LAMA5: variants seen among roughly 807,000 people sequenced by gnomAD.
The protein encoded by LAMA5 is laminin subunit alpha-5.
In LAMA5, 260 loss-of-function variants were observed where a neutral mutation model predicts 433.4. That is an observed-to-expected ratio of 0.60 (90% CI 0.54 to 0.66). The LOEUF (loss-of-function observed/expected upper bound fraction) is 0.66, where lower values mean the gene tolerates loss of function less well. Among genes scored for constraint, LAMA5 ranks in the 30% least tolerant of loss-of-function variants. The pLI is 0.00. For missense variants in LAMA5, 5,378 were observed against 5,258.5 expected, an observed-to-expected ratio of 1.02 and a Z score of -0.70; for synonymous variants, 2,620 against 2,226.6, an observed-to-expected ratio of 1.18 and a Z score of -4.97.
At chr20:62,322,620 G>GGGGGGGC in intron 46 of LAMA5, 38 bp downstream of exon 46, 3 of 1,398,998 alleles carry the variant, frequency 2.1e-6, no homozygotes, top group Non-Finnish European at 2.9e-6. Context: ...TAGTCCCTAG[G>GGGGGGGC]CCCCACCCAC....
At chr20:62,355,036 C>T (rs1482715619) in intron 2 of LAMA5, among the ~76,000 whole-genome samples, 5 of 152,216 alleles carry the variant, frequency 3.3e-5, no homozygotes, top group East Asian at 1.9e-4. Flanking sequence ...CCTCCCCTGA[C>T]GGGCCCACAG....
At chr20:62,335,650 G>C (rs1429565871) in intron 18 of LAMA5, among the ~76,000 whole-genome samples, 4 of 117,420 alleles carry the variant, frequency 3.4e-5, no homozygotes, top group Non-Finnish European at 5.0e-5. Flanking sequence ...ATTCCCTCCA[G>C]GGCACACTCA....
intron 2 of LAMA5, among the ~76,000 whole-genome samples, chr20:62,358,372 C>T (rs1414033953): frequency 6.6e-6 from 1 of 152,188 alleles, no homozygotes. Context: ...CTGGTTCAGC[C>T]CGTGCACCTG....
Position 62,323,847 on chromosome 20 carries a change from C to T in LAMA5, c.5778G>A (p.Glu1926=), listed in dbSNP as rs1978780733. Residue 1926 remains glutamate, a synonymous_variant, in exon 44 of 80, where the codon GAG becomes GAA. Transcript: ENST00000252999. The part of the protein sequence containing the change: ...PLSVPSNNFA[E]GCVLRGGRTQ... ...TGCGGCCGCCTCGCAGGACACAGCC[C>T]TCGGCGAAGCTGCAAAGACCAGCAG... 1.0e-5 allele frequency: 16 copies of T among 1,605,462 alleles called. No individual in the cohort carries two copies. The highest frequency in any genetic ancestry group is 1.4e-5 in the Non-Finnish European group (16 of 1,176,346).
At chr20:62,340,247 G>A (rs1048407876) in intron 11 of LAMA5, among the ~76,000 whole-genome samples, 1 of 151,298 alleles carries the variant, frequency 6.6e-6, no homozygotes, top group Non-Finnish European at 1.5e-5. Flanking sequence ...AGCTCAGAGG[G>A]ACAGAAATTG....
chr20:62,352,652 C>A (rs2427297), intron 3 of LAMA5, among the ~76,000 whole-genome samples: 2,448 of 152,324 alleles, frequency 0.016, 28 homozygotes, highest in Non-Finnish European at 0.026. Flanking sequence ...CGCCCCTCCC[C>A]CATTCTCAGG....
At chr20:62,351,184 C>T (rs180998145) in intron 6 of LAMA5, 265 of 176,810 alleles carry the variant, frequency 1.5e-3, no homozygotes, top group African/African-American at 5.9e-3. Context: ...GCCTTGGTCC[C>T]TGCTTGACTG....
At position 62,338,573 on chromosome 20, in the gene LAMA5, C is replaced by CGT. The variant is rs1445952763; in HGVS notation, c.1511_1512dup (p.Ala505ThrfsTer199). 1.6e-5 allele frequency: 26 copies of CGT among 1,611,012 alleles called. No individual in the cohort carries two copies. The highest frequency in any genetic ancestry group is 2.1e-5 in the Non-Finnish European group (25 of 1,179,530). The stretch of plus-strand genomic sequence containing the variant: ...CCCACCCTTGGGTCCTTCCGGCAGG[C>CGT]GTTGCCCTGGGTCCCTGCCGCGCTG... On this transcript the variant is annotated frameshift_variant, in exon 12 of 80. Transcript: ENST00000252999. LOFTEE classifies it high-confidence loss of function.
Position 62,351,648 on chromosome 20 carries a change from G to A in LAMA5, c.956+56C>T. 4 of 1,545,112 alleles carry A rather than the reference G, an allele frequency of 2.6e-6. No individual in the cohort carries two copies. In the South Asian group the frequency reaches 3.5e-5, roughly 13 times the overall value. On this transcript the variant is annotated intron_variant, in intron 6 of 79. Transcript: ENST00000252999. The stretch of plus-strand genomic sequence containing the variant: ...GGTTAGGCAGGGGTGACAAGGACAG[G>A]CAGGGAGCTGGGGGGGGCCTCACCT...
intron 46 of LAMA5, 38 bp downstream of exon 46, chr20:62,322,620 G>GCGGCC: frequency 1.4e-6 from 2 of 1,399,010 alleles, no homozygotes; most frequent in Non-Finnish European, 2.0e-6. Flanking sequence ...TAGTCCCTAG[G>GCGGCC]CCCCACCCAC....
chr20:62,330,193 C>T (rs1284963788), intron 31 of LAMA5, among the ~76,000 whole-genome samples: 1 of 152,280 alleles, frequency 6.6e-6, no homozygotes, highest in Non-Finnish European at 1.5e-5. Flanking sequence ...GACAAACACA[C>T]AGGGCCACAT....
rs17812939 is a variant in LAMA5 at position 62,329,236 on chromosome 20, G to A, written c.4137C>T (p.Val1379=). The A allele has an allele frequency of 1.9e-6, 3 of 1,612,298 alleles. No individual in the cohort carries two copies. Among genetic ancestry groups the A allele is most frequent in the South Asian group, 1.1e-5 (1 of 91,078 alleles). The change falls in exon 33 of 80, where the codon GTC becomes GTT. Residue 1379 remains valine, a synonymous_variant. Transcript: ENST00000252999. ...RWLWLDYVLV[V]PENVYSFGYL... is the part of the protein sequence containing the mutation. ...AGCCAAAGCTGTAGACGTTCTCAGG[G>A]ACCACGAGTACATAATCCTAGGGGG...
Position 62,352,547 on chromosome 20 carries a change from G to A in LAMA5, c.569-187C>T, listed in dbSNP as rs117264340. 6.5e-3 allele frequency among the ~76,000 whole-genome samples: 991 copies of A among 151,950 alleles called. 5 individuals are homozygous for A. The highest frequency in any genetic ancestry group is 0.011 in the Non-Finnish European group (748 of 67,908). The stretch of plus-strand genomic sequence containing the variant: ...CCGTTGGACTGCACTGCCCCCCACC[G>A]CTCTCCCTTGCACGCTTTGAGTGCG... On this transcript the variant is annotated intron_variant, in intron 3 of 79. Transcript: ENST00000252999.
intron 16 of LAMA5, among the ~76,000 whole-genome samples, chr20:62,337,274 G>A (rs144663732): frequency 6.6e-6 from 1 of 152,010 alleles, no homozygotes; most frequent in Non-Finnish European, 1.5e-5. Context: ...ACCCACTTAC[G>A]TGACACAGGC....
At position 62,347,405 on chromosome 20, in the gene LAMA5, G is replaced by A. The variant is rs964964603; in HGVS notation, c.957-377C>T. On this transcript the variant is annotated intron_variant, in intron 6 of 79. Coordinates refer to ENST00000252999, the MANE Select transcript of LAMA5 (RefSeq NM_005560.6). Reference sequence around the variant, plus strand: ...TGCCTGCAGGTCAGGATGGAGACCTGCGTTCTCCAAAACTGAGTTATGCCC... The same window carrying A: ...TGCCTGCAGGTCAGGATGGAGACCTACGTTCTCCAAAACTGAGTTATGCCC... 6.2e-4 allele frequency among the ~76,000 whole-genome samples: 94 copies of A among 152,136 alleles called. 1 individual carries two copies. The highest frequency in any genetic ancestry group is 1.3e-4 in the Non-Finnish European group (9 of 68,008).
Position 62,312,425 on chromosome 20 carries a change from C to T in LAMA5, c.9335G>A (p.Ser3112Asn). ...CAGCAGGTCGGCGGTGCAGCCGGCG[C>T]TCACGCCTGTCGTGTTCAGCCGCTT... ...DLKRLNTTGV[S>N]AGCTADLLVG... The change falls in exon 68 of 80, where the codon AGC becomes AAC. Residue 3112 changes from serine (S) to asparagine (N), a missense_variant. Physicochemically the swap from Ser to Asn is conservative, Grantham distance 46 (BLOSUM62 1). Coordinates refer to ENST00000252999, the MANE Select transcript of LAMA5 (RefSeq NM_005560.6). 6.3e-7 allele frequency: 1 copy of T among 1,597,928 alleles called. No homozygotes were observed. Among genetic ancestry groups the T allele is most frequent in the Non-Finnish European group, 8.5e-7 (1 of 1,179,436 alleles).
At position 62,314,433 on chromosome 20, in the gene LAMA5, C is replaced by A; in HGVS notation, c.8375G>T (p.Gly2792Val). The change falls in exon 62 of 80, where the codon GGG becomes GTG. Residue 2792 changes from glycine to valine, a missense_variant. Coordinates refer to ENST00000252999, the MANE Select transcript of LAMA5 (RefSeq NM_005560.6). Reference protein sequence around the residue: ...VMYMGSRQATGDYMGVSLRDK... With the variant: ...VMYMGSRQATVDYMGVSLRDK... Reference sequence around the variant, plus strand: ...ACGCAGAGACACACCCATGTAGTCCCCAGTGGCCTGCGGCAGTGACAGACA... The same window carrying A: ...ACGCAGAGACACACCCATGTAGTCCACAGTGGCCTGCGGCAGTGACAGACA... The A allele has an allele frequency of 6.2e-7, 1 of 1,613,412 alleles. No individual in the cohort carries two copies. The highest frequency in any genetic ancestry group is 8.5e-7 in the Non-Finnish European group (1 of 1,179,938).
intron 78 of LAMA5, 47 bp from the exon 79 acceptor site, chr20:62,309,882 C>G (rs777308044): frequency 2.5e-6 from 4 of 1,608,486 alleles, no homozygotes; most frequent in Non-Finnish European, 3.4e-6. Flanking sequence ...TCAGCCCAGC[C>G]TCTCTCCAGC....
chr20:62,320,521 A>G (rs1338386186), intron 50 of LAMA5, 38 bp downstream of exon 50: 7 of 1,496,504 alleles, frequency 4.7e-6, no homozygotes, highest in Non-Finnish European at 6.3e-6. Context: ...ACACAGGTGA[A>G]AGCCTCCCGG....
Sources: allele counts gnomAD v4.1 joint callset (sites outside exome capture counted in the v4.1 genomes callset), GRCh38; gene constraint gnomAD v4.1.1; transcripts MANE v1.5; gene names NCBI Gene and HGNC (gene_info 2026-07-23, HGNC 2026-07-21).